Variants in BNC2 observed in about 807,000 individuals in gnomAD.
BNC2 encodes basonuclin zinc finger protein 2.
BNC2 carries 20 observed loss-of-function variants against 76.3 expected under a neutral mutation model. That is an observed-to-expected ratio of 0.26 (90% CI 0.18 to 0.38). The LOEUF (loss-of-function observed/expected upper bound fraction) is 0.38. BNC2 is among the 10% of genes least tolerant of loss of function. The pLI, the probability that BNC2 is intolerant of heterozygous loss-of-function variation, is 1.00. For missense variants in BNC2, 1,382 were observed against 1,399.8 expected (o/e 0.99, Z 0.20); for synonymous variants, 582 against 514.8 (o/e 1.13, Z -1.77).
chr9:16,769,063 A>C (rs1219211033), intron 1 of BNC2, among the ~76,000 whole-genome samples: 5 of 152,216 alleles, frequency 3.3e-5, no homozygotes, highest in African/African-American at 1.2e-4. Flanking sequence ...AACATAAAAG[A>C]AAGCAACGGG....
intron 1 of BNC2, among the ~76,000 whole-genome samples, chr9:16,819,932 C>G (rs1175883124): frequency 6.6e-6 from 1 of 151,952 alleles, no homozygotes; most frequent in Admixed American, 6.5e-5. Flanking sequence ...CAAGTCCAGC[C>G]TGGCCAACAT....
chr9:16,702,634 C>T (rs1405336397), intron 3 of BNC2, among the ~76,000 whole-genome samples: 1 of 88,112 alleles, frequency 1.1e-5, no homozygotes, highest in African/African-American at 2.7e-5. Context: ...AACTTATTCC[C>T]CTACCATCCT....
At chr9:16,631,757 G>A (rs986307676) in intron 3 of BNC2, among the ~76,000 whole-genome samples, 2 of 152,124 alleles carry the variant, frequency 1.3e-5, no homozygotes, top group South Asian at 2.1e-4. Flanking sequence ...AATTTATCAC[G>A]TTGTGCAGAA....
At chr9:16,554,319 C>T (rs1818755890) in intron 4 of BNC2, among the ~76,000 whole-genome samples, 1 of 152,128 alleles carries the variant, frequency 6.6e-6, no homozygotes, top group Admixed American at 6.5e-5. Flanking sequence ...TCATTTCCTC[C>T]TGACTTGTGG....
intron 1 of BNC2, among the ~76,000 whole-genome samples, chr9:16,814,131 T>C (rs1395369665): frequency 6.6e-6 from 1 of 152,230 alleles, no homozygotes; most frequent in Non-Finnish European, 1.5e-5. Context: ...TACTATTTTG[T>C]AGGTTGCTCT....
chr9:16,748,138 G>A (rs372381265), intron 1 of BNC2, among the ~76,000 whole-genome samples: 1 of 152,184 alleles, frequency 6.6e-6, no homozygotes, highest in African/African-American at 2.4e-5. Context: ...ACAGGAGAAA[G>A]AGAGAGTAGA....
chr9:16,735,430 G>A (rs780995676), intron 2 of BNC2, among the ~76,000 whole-genome samples: 27 of 151,212 alleles, frequency 1.8e-4, no homozygotes, highest in Non-Finnish European at 2.8e-4. Flanking sequence ...GGCTGGGGGC[G>A]CACACAACGG....
intron 3 of BNC2, among the ~76,000 whole-genome samples, chr9:16,685,974 G>C (rs182231454): frequency 5.9e-5 from 9 of 152,142 alleles, no homozygotes; most frequent in Admixed American, 5.9e-4. Flanking sequence ...GACTAAAATA[G>C]ATAATTTCTG....
At chr9:16,783,522 T>C (rs1424625911) in intron 1 of BNC2, among the ~76,000 whole-genome samples, 1 of 152,232 alleles carries the variant, frequency 6.6e-6, no homozygotes. Context: ...TCTACAAATT[T>C]ACATAAAGCT....
intron 1 of BNC2, among the ~76,000 whole-genome samples, chr9:16,792,299 C>A (rs1426757561): frequency 6.6e-6 from 1 of 152,160 alleles, no homozygotes; most frequent in East Asian, 1.9e-4. Context: ...AAGCATGCAA[C>A]CTGTAAGCAG....
chr9:16,566,480 G>A (rs1210688491), intron 4 of BNC2, among the ~76,000 whole-genome samples: 2 of 152,150 alleles, frequency 1.3e-5, no homozygotes, highest in Non-Finnish European at 2.9e-5. Context: ...AGGTGGCGCT[G>A]CTAGCTAAGC....
chr9:16,444,052 C>T (rs1821182574), intron 5 of BNC2, among the ~76,000 whole-genome samples: 1 of 152,138 alleles, frequency 6.6e-6, no homozygotes, highest in South Asian at 2.1e-4. Flanking sequence ...TACAGCTTTC[C>T]ACTGTTTATA....
At chr9:16,538,434 G>C (rs991886977) in intron 5 of BNC2, among the ~76,000 whole-genome samples, 1 of 152,040 alleles carries the variant, frequency 6.6e-6, no homozygotes, top group Admixed American at 6.6e-5. Flanking sequence ...CGTGGCACTG[G>C]CAACAGCAAT....
chr9:16,784,814 C>G (rs1826240312), intron 1 of BNC2, among the ~76,000 whole-genome samples: 2 of 152,196 alleles, frequency 1.3e-5, no homozygotes, highest in Non-Finnish European at 2.9e-5. Flanking sequence ...CTCCCCTGCC[C>G]TCCAACTGCG....
intron 4 of BNC2, among the ~76,000 whole-genome samples, chr9:16,553,569 C>G (rs1818730264): frequency 6.6e-6 from 1 of 152,066 alleles, no homozygotes; most frequent in South Asian, 2.1e-4. Flanking sequence ...AATGACAAAC[C>G]AACATTTGAG....
intron 1 of BNC2, among the ~76,000 whole-genome samples, chr9:16,835,711 T>A (rs1818690990): frequency 1.3e-5 from 2 of 152,016 alleles, no homozygotes; most frequent in African/African-American, 4.8e-5. Context: ...TCAGAAAAAA[T>A]AAAAAATCGT....
intron 5 of BNC2, among the ~76,000 whole-genome samples, chr9:16,540,333 G>T (rs956517744): frequency 2.0e-5 from 3 of 151,890 alleles, no homozygotes; most frequent in African/African-American, 7.3e-5. Context: ...GTATTGAAAA[G>T]AATAAAATCA....
At chr9:16,434,123 T>C (rs1412069385) in intron 6 of BNC2, among the ~76,000 whole-genome samples, 2 of 152,268 alleles carry the variant, frequency 1.3e-5, no homozygotes, top group Non-Finnish European at 2.9e-5. Context: ...ATTAAAAAAA[T>C]GGTTTCTCCT....
intron 5 of BNC2, among the ~76,000 whole-genome samples, chr9:16,526,870 C>A (rs1817820905): frequency 6.6e-6 from 1 of 152,138 alleles, no homozygotes; most frequent in African/African-American, 2.4e-5. Context: ...GAGAAAAAGA[C>A]AAGTAAACAA....
Sources: allele counts gnomAD v4.1 joint callset (sites outside exome capture counted in the v4.1 genomes callset), GRCh38; gene constraint gnomAD v4.1.1; transcripts MANE v1.5; gene names NCBI Gene and HGNC (gene_info 2026-07-23, HGNC 2026-07-21).